SLCO1A2: variants seen among roughly 807,000 people sequenced by gnomAD.
SLCO1A2 encodes solute carrier organic anion transporter family member 1A2.
In SLCO1A2, 67 loss-of-function variants were observed where a neutral mutation model predicts 69.0. That is an observed-to-expected ratio of 0.97 (90% CI 0.80 to 1.19). SLCO1A2 has a LOEUF of 1.19. SLCO1A2 is among the 50% of genes most tolerant of loss of function. The pLI, the probability that SLCO1A2 is intolerant of heterozygous loss-of-function variation, is 0.00. For missense variants in SLCO1A2, 787 were observed against 793.7 expected, an observed-to-expected ratio of 0.99 and a Z score of 0.10; for synonymous variants, 260 against 265.9, an observed-to-expected ratio of 0.98 and a Z score of 0.22.
At chr12:21,374,583 A>T (rs1294239118) in intron 1 of SLCO1A2, 1 of 152,154 alleles carries the variant, frequency 6.6e-6, no homozygotes, top group Non-Finnish European at 1.5e-5. Flanking sequence ...TTCAAGGCTT[A>T]TTTAGTTTAC....
chr12:21,342,931 G>A (rs750801167), intron 2 of SLCO1A2, among the ~76,000 whole-genome samples: 3 of 152,038 alleles, frequency 2.0e-5, no homozygotes, highest in Non-Finnish European at 4.4e-5. Flanking sequence ...CAGCTCTAGG[G>A]GGAAAAGTAC....
chr12:21,378,493 C>T (rs895825229), intron 1 of SLCO1A2: 74 of 1,274,514 alleles, frequency 5.8e-5, no homozygotes, highest in Admixed American at 3.7e-4. Flanking sequence ...TAACAGTGCC[C>T]TTTTCATCTC....
intron 1 of SLCO1A2, among the ~76,000 whole-genome samples, chr12:21,404,200 A>G (rs1941785116): frequency 6.6e-6 from 1 of 152,104 alleles, no homozygotes; most frequent in African/African-American, 2.4e-5. Flanking sequence ...TGTAATTTGT[A>G]ATGGAGTGGA....
At chr12:21,327,595 C>T (rs542373803) in intron 2 of SLCO1A2, among the ~76,000 whole-genome samples, 1 of 152,174 alleles carries the variant, frequency 6.6e-6, no homozygotes, top group Non-Finnish European at 1.5e-5. Context: ...ATGTGAGACA[C>T]GCAGTCAAAG....
rs535063452 is a variant in SLCO1A2, at chr12:21,315,946, T to C, written c.203-1265A>G. Among the ~76,000 whole-genome samples the C allele has an allele frequency of 4.6e-5, 7 of 152,340 alleles. No homozygotes were observed. In the East Asian group the frequency reaches 1.3e-3, roughly 29 times the overall value. ...AGGTAAGTAATTTTTTTCAAAGGTA[T>C]GGAGAATGTTGCCTGTAAAACTGAC... is the stretch of plus-strand genomic sequence containing the variant. On this transcript the variant is annotated intron_variant, in intron 3 of 14. Transcript: ENST00000683939.
chr12:21,266,662 C>G lies in SLCO1A2; in HGVS notation c.*2886G>C, dbSNP rs761679460. 6.6e-6 allele frequency: 1 copy of G among 152,006 alleles called. No homozygotes were observed. The highest frequency in any genetic ancestry group is 2.4e-5 in the African/African-American group (1 of 41,394). 9.4% of individuals were successfully genotyped at this position (152,006 alleles called of 1,614,324 possible). ...TCCTTATGGAGAGCTCAACCCCAGC[C>G]CTTGAACCTTAAGGGTGTGTATATT... is the stretch of plus-strand genomic sequence containing the variant. On this transcript the variant is annotated 3_prime_UTR_variant, in exon 15 of 15. Coordinates refer to ENST00000683939, the MANE Select transcript of SLCO1A2 (RefSeq NM_001386879.1).
At chr12:21,299,946 TCATA>T (rs1948456541) in intron 8 of SLCO1A2, among the ~76,000 whole-genome samples, 2 of 145,202 alleles carry the variant, frequency 1.4e-5, no homozygotes, top group Admixed American at 1.4e-4. Flanking sequence ...CTCCTCTCTC[TCATA>T]TATATATGTG....
chr12:21,324,988 A>G (rs1309589311), intron 2 of SLCO1A2, among the ~76,000 whole-genome samples: 1 of 152,216 alleles, frequency 6.6e-6, no homozygotes, highest in Admixed American at 6.5e-5. Context: ...GGGTAGCTTC[A>G]GTTAACATTC....
chr12:21,345,882 G>C (rs1224954256), intron 2 of SLCO1A2, among the ~76,000 whole-genome samples: 1 of 151,806 alleles, frequency 6.6e-6, no homozygotes, highest in Admixed American at 6.6e-5. Flanking sequence ...CCAGAAGCTG[G>C]ATCCTAGGCT....
At chr12:21,407,697 A>T (rs749526742) in intron 1 of SLCO1A2, among the ~76,000 whole-genome samples, 3 of 151,988 alleles carry the variant, frequency 2.0e-5, no homozygotes, top group Non-Finnish European at 2.9e-5. Context: ...GCTACTCCCT[A>T]CTCAGGAGGC....
upstream of SLCO1A2, among the ~76,000 whole-genome samples, chr12:21,418,923 G>A (rs1308682394): frequency 6.6e-6 from 1 of 151,702 alleles, no homozygotes; most frequent in East Asian, 1.9e-4. Context: ...TTAAATTATT[G>A]AAAAAAATTA....
chr12:21,338,418 A>T (rs1952959491), upstream of SLCO1A2, among the ~76,000 whole-genome samples: 2 of 151,746 alleles, frequency 1.3e-5, no homozygotes, highest in South Asian at 2.1e-4. Context: ...CAGTCAGTAA[A>T]AATCCTGTCA....
At chr12:21,382,031 T>C (rs1239029225) in intron 1 of SLCO1A2, among the ~76,000 whole-genome samples, 4 of 152,200 alleles carry the variant, frequency 2.6e-5, no homozygotes, top group African/African-American at 9.7e-5. Flanking sequence ...TGCACACATA[T>C]GTTTATAGCA....
chr12:21,387,649 G>T (rs1325494575), intron 1 of SLCO1A2, among the ~76,000 whole-genome samples: 3 of 152,202 alleles, frequency 2.0e-5, no homozygotes, highest in Non-Finnish European at 2.9e-5. Flanking sequence ...GAGGTTTGTT[G>T]TAAGGGCAGG....
intron 12 of SLCO1A2, among the ~76,000 whole-genome samples, chr12:21,289,235 C>G (rs1423922791): frequency 1.4e-5 from 2 of 143,784 alleles, no homozygotes; most frequent in East Asian, 4.4e-4. Flanking sequence ...TATGGCATCA[C>G]TAGAAATATA....
chr12:21,330,152 T>G (rs530645945), intron 2 of SLCO1A2, among the ~76,000 whole-genome samples: 8 of 152,166 alleles, frequency 5.3e-5, no homozygotes, highest in African/African-American at 1.9e-4. Context: ...ATCCAAAATA[T>G]TTTTCATTTG....
chr12:21,268,495 G>A lies in SLCO1A2; in HGVS notation c.*1053C>T, dbSNP rs1455579202. On this transcript the variant is annotated 3_prime_UTR_variant, in exon 15 of 15. Coordinates refer to ENST00000683939, the MANE Select transcript of SLCO1A2 (RefSeq NM_001386879.1). Reference sequence around the variant, plus strand: ...TTCATTCTATTCTCTTTTACCAGAAGCCCTATATTAATCAATAAGTCCTCT... The same window carrying A: ...TTCATTCTATTCTCTTTTACCAGAAACCCTATATTAATCAATAAGTCCTCT... The A allele has an allele frequency of 1.3e-5, 2 of 151,944 alleles. No homozygotes were observed. The highest frequency in any genetic ancestry group is 4.8e-5 in the African/African-American group (2 of 41,422). The allele number at this position is 151,944 out of a possible 1,614,324, so 9.4% of individuals were successfully genotyped here. A position where few individuals can be genotyped will look rare whatever the true frequency, so the allele number is the denominator to read the frequency against.
At chr12:21,356,157 C>A (rs949684498) in intron 2 of SLCO1A2, among the ~76,000 whole-genome samples, 1 of 151,892 alleles carries the variant, frequency 6.6e-6, no homozygotes, top group Admixed American at 6.6e-5. Context: ...ATGTTACTAC[C>A]GTCTCTGTAC....
chr12:21,350,835 C>CAA (rs11454466), intron 2 of SLCO1A2, among the ~76,000 whole-genome samples: 2,852 of 40,670 alleles, frequency 0.07, 1,089 homozygotes, highest in African/African-American at 0.086. Context: ...GACTCTGTCT[C>CAA]AAAAAAAAAA....
Sources: gnomAD v4.1 joint callset for allele counts (sites outside exome capture counted in the v4.1 genomes callset) on GRCh38, gnomAD v4.1.1 for gene constraint, MANE v1.5 for transcripts, NCBI Gene and HGNC (gene_info 2026-07-23, HGNC 2026-07-21) for gene names.